Variants in CAMTA1 observed in about 807,000 individuals in gnomAD.
The protein encoded by CAMTA1 is calmodulin binding transcription activator 1, also known as calmodulin-binding transcription activator 1.
A neutral mutation model predicts 170.9 loss-of-function variants in CAMTA1; 27 were observed. The ratio of observed to expected loss-of-function variants is 0.16; its 90% confidence interval spans 0.12 to 0.22. The LOEUF (loss-of-function observed/expected upper bound fraction) is 0.22, where lower values mean the gene tolerates loss of function less well. CAMTA1 is among the 10% of genes least tolerant of loss of function. CAMTA1 has a pLI of 1.00. For missense variants in CAMTA1, 1,619 were observed against 2,217.2 expected, an observed-to-expected ratio of 0.73 and a Z score of 5.42; for synonymous variants, 833 against 891.5, an observed-to-expected ratio of 0.93 and a Z score of 1.17.
chr1:6,934,820 G>C lies in CAMTA1; in HGVS notation c.234+109610G>C, dbSNP rs1685035166. 6.6e-6 allele frequency among the ~76,000 whole-genome samples: 1 copy of C among 152,156 alleles called. No individual in the cohort carries two copies. The highest frequency in any genetic ancestry group is 1.9e-4 in the East Asian group (1 of 5,198). ...ATGCTATGATGTGCCATTTCTTTGG[G>C]CTTTTCCGAGGACTGCTCACTTGAG... is the stretch of plus-strand genomic sequence containing the variant. On this transcript the variant is annotated intron_variant, in intron 3 of 22. Transcript: ENST00000303635. The surrounding 1 kb of genome is among the most constrained non-coding windows in gnomAD (Gnocchi z 4.5).
intron 3 of CAMTA1, chr1:6,853,312 G>A (rs985616189): frequency 1.3e-5 from 2 of 152,048 alleles, no homozygotes; most frequent in Non-Finnish European, 2.9e-5. Flanking sequence ...AATATCTTAC[G>A]GTCTTTTCAT....
In CAMTA1 at chr1:7,455,489, G is replaced by A. The variant is rs528257548; in HGVS notation, c.439-12341G>A. Among the ~76,000 whole-genome samples the A allele has an allele frequency of 6.2e-4, 95 of 152,300 alleles. 1 individual carries two copies. The highest frequency in any genetic ancestry group is 2.2e-3 in the African/African-American group (91 of 41,554). The stretch of plus-strand genomic sequence containing the variant: ...GGAATCCAACTCCTCTTAATGTCCT[G>A]GCAGACAGCTCAGCCTTGCATTAAC... On this transcript the variant is annotated intron_variant, in intron 5 of 22. Transcript: ENST00000303635. This position sits in a 1 kb window ranked among gnomAD's most constrained non-coding sequence, Gnocchi z 5.0.
chr1:7,320,832 T>C (rs1407687899), intron 5 of CAMTA1, among the ~76,000 whole-genome samples: 1 of 152,018 alleles, frequency 6.6e-6, no homozygotes, highest in African/African-American at 2.4e-5. Context: ...TGACCATCAG[T>C]TGGGCCCATG....
chr1:7,277,289 A>C lies in CAMTA1; in HGVS notation c.438+27663A>C, dbSNP rs1670854825. ...TTTATAAAAATCAAAGTAAAGTTAA[A>C]AGAATTGCCCTACTTAATTTCAATA... On this transcript the variant is annotated intron_variant, in intron 5 of 22. Coordinates refer to ENST00000303635, the MANE Select transcript of CAMTA1 (RefSeq NM_015215.4). Among the ~76,000 whole-genome samples the C allele has an allele frequency of 2.0e-5, 3 of 152,230 alleles. No individual in the cohort carries two copies. The South Asian group carries it at 6.2e-4, about 32-fold the overall frequency.
chr1:7,721,334 G>GC (rs1411940257), intron 11 of CAMTA1, among the ~76,000 whole-genome samples: 4 of 152,148 alleles, frequency 2.6e-5, no homozygotes, highest in African/African-American at 9.7e-5. Flanking sequence ...AATTTTCTTA[G>GC]CATCAGCTTC....
intron 3 of CAMTA1, among the ~76,000 whole-genome samples, chr1:6,909,301 T>G (rs1403830667): frequency 6.6e-6 from 1 of 152,254 alleles, no homozygotes; most frequent in African/African-American, 2.4e-5. Context: ...GGATACAGTA[T>G]GTCTGAATTA....
intron 4 of CAMTA1, among the ~76,000 whole-genome samples, chr1:7,204,766 CTATTAT>C (rs1465806188): frequency 6.9e-6 from 1 of 145,678 alleles, no homozygotes; most frequent in Admixed American, 6.8e-5. Context: ...TCTCCAAATA[CTATTAT>C]TATTATTATT....
intron 6 of CAMTA1, among the ~76,000 whole-genome samples, chr1:7,640,111 C>G (rs1285943820): frequency 6.6e-6 from 1 of 152,140 alleles, no homozygotes; most frequent in Non-Finnish European, 1.5e-5. Flanking sequence ...TGATCTTGCC[C>G]CCTAGGGGAC....
At chr1:7,582,919 T>C (rs972424916) in intron 6 of CAMTA1, among the ~76,000 whole-genome samples, 1 of 151,572 alleles carries the variant, frequency 6.6e-6, no homozygotes, top group African/African-American at 2.4e-5. Context: ...GACCTTACCC[T>C]GGCCCGTCCT....
chr1:7,744,527 A>G (rs2096843523), intron 16 of CAMTA1, among the ~76,000 whole-genome samples: 1 of 152,176 alleles, frequency 6.6e-6, no homozygotes, highest in Non-Finnish European at 1.5e-5. Context: ...GTTACTCTAG[A>G]ACTGCCCAGT....
rs775687811 is a variant in CAMTA1 at position 6,970,951 on chromosome 1, C to T, written c.235-120353C>T. On this transcript the variant is annotated intron_variant, in intron 3 of 22. Coordinates refer to ENST00000303635, the MANE Select transcript of CAMTA1 (RefSeq NM_015215.4). The surrounding 1 kb of genome is among the most constrained non-coding windows in gnomAD (Gnocchi z 4.4). ...CAGCCTCTCCTTTCCTAAACCAGGC[C>T]GGCCCTGTCAGCCTGGCTCCAAACT... 1.3e-5 allele frequency among the ~76,000 whole-genome samples: 2 copies of T among 152,174 alleles called. No individual in the cohort carries two copies. The highest frequency in any genetic ancestry group is 6.5e-5 in the Admixed American group (1 of 15,272).
intron 22 of CAMTA1, among the ~76,000 whole-genome samples, chr1:7,758,867 G>A (rs927049106): frequency 2.7e-5 from 4 of 150,242 alleles, no homozygotes; most frequent in Admixed American, 6.6e-5. Flanking sequence ...TCCGGGAGGC[G>A]GAGCTTGCAG....
At chr1:7,555,683 C>G (rs1398676402) in intron 6 of CAMTA1, among the ~76,000 whole-genome samples, 3 of 152,166 alleles carry the variant, frequency 2.0e-5, no homozygotes, top group African/African-American at 7.2e-5. Context: ...ACATTTGCAG[C>G]CTGGTGTCCC....
At chr1:7,121,752 C>T (rs1644655556) in intron 4 of CAMTA1, among the ~76,000 whole-genome samples, 1 of 152,168 alleles carries the variant, frequency 6.6e-6, no homozygotes, top group Non-Finnish European at 1.5e-5. Context: ...CCCTCCAGAG[C>T]ATTCCCTAGA....
chr1:7,374,036 G>A (rs933066820), intron 5 of CAMTA1, among the ~76,000 whole-genome samples: 1 of 152,196 alleles, frequency 6.6e-6, no homozygotes, highest in Non-Finnish European at 1.5e-5. Context: ...TCCTGCCCAG[G>A]GAGAAGGACC....
At chr1:7,028,459 C>T (rs1350918852) in intron 3 of CAMTA1, among the ~76,000 whole-genome samples, 1 of 152,210 alleles carries the variant, frequency 6.6e-6, no homozygotes, top group East Asian at 1.9e-4. Context: ...CTGTCTCTAG[C>T]ACAGGTGTCT....
chr1:7,291,834 C>T (rs1673181490), intron 5 of CAMTA1, among the ~76,000 whole-genome samples: 1 of 152,230 alleles, frequency 6.6e-6, no homozygotes, highest in Non-Finnish European at 1.5e-5. Context: ...AGGTACATTC[C>T]TCCTTCCAAC....
intron 1 of CAMTA1, among the ~76,000 whole-genome samples, chr1:6,816,763 C>T (rs1365219976): frequency 2.0e-5 from 3 of 152,236 alleles, no homozygotes; most frequent in African/African-American, 7.2e-5. Flanking sequence ...GCCAGCCCGC[C>T]TCCCTCTATG....
At chr1:7,033,960 C>T (rs1188566982) in intron 3 of CAMTA1, among the ~76,000 whole-genome samples, 1 of 152,092 alleles carries the variant, frequency 6.6e-6, no homozygotes, top group Non-Finnish European at 1.5e-5. Context: ...TAGTTTAACC[C>T]TTTCACATTT....
Sources: gnomAD v4.1 joint callset for allele counts (sites outside exome capture counted in the v4.1 genomes callset) on GRCh38, gnomAD v4.1.1 for gene constraint, Gnocchi (gnomAD v3.1) non-coding constraint, MANE v1.5 for transcripts, NCBI Gene and HGNC (gene_info 2026-07-23, HGNC 2026-07-21) for gene names.